The following PRKCQ variants were observed in gnomAD, a reference collection of about 807,000 sequenced individuals.
The protein encoded by PRKCQ is protein kinase C theta.
Under a neutral mutation model 91.2 loss-of-function variants are expected in PRKCQ, and 41 were observed. That is an observed-to-expected ratio of 0.45 (90% confidence interval 0.35 to 0.58). The LOEUF (loss-of-function observed/expected upper bound fraction) is 0.58. Ranked by LOEUF, PRKCQ falls within the 20% of genes least tolerant of loss-of-function variation. The pLI is 0.00. For synonymous variants in PRKCQ, 307 were observed against 316.9 expected (o/e 0.97, Z 0.33); for missense variants, 673 against 896.5 (o/e 0.75, Z 3.18).
the PRKCQ span, among the ~76,000 whole-genome samples, chr10:6,406,159 A>G: frequency 1.3e-5 from 2 of 151,302 alleles, no homozygotes; most frequent in Admixed American, 6.6e-5. Context: ...CATTGTGTGA[A>G]TTTAAAATAT....
At chr10:6,496,472 G>A (rs1837609160) in intron 7 of PRKCQ, among the ~76,000 whole-genome samples, 1 of 152,032 alleles carries the variant, frequency 6.6e-6, no homozygotes, top group Non-Finnish European at 1.5e-5. Context: ...CCATGTTGCT[G>A]TATCTTATCA....
chr10:6,556,727 G>A (rs145562135), intron 1 of PRKCQ, among the ~76,000 whole-genome samples: 2 of 152,188 alleles, frequency 1.3e-5, no homozygotes, highest in East Asian at 3.9e-4. Context: ...ATTTATTGCT[G>A]AATTTGCCAA....
intron 14 of PRKCQ, among the ~76,000 whole-genome samples, 196 bp from the exon 15 acceptor site, chr10:6,457,008 ATTCT>A (rs1319997160): frequency 1.3e-5 from 2 of 152,160 alleles, no homozygotes; most frequent in African/African-American, 4.8e-5. Flanking sequence ...GCTGCTATGG[ATTCT>A]TTCTCTGATT....
At chr10:6,544,464 C>T (rs985186361) in intron 1 of PRKCQ, among the ~76,000 whole-genome samples, 1 of 152,180 alleles carries the variant, frequency 6.6e-6, no homozygotes. Flanking sequence ...CAGTGATTAA[C>T]TCTAATTGAC....
chr10:6,475,365 C>G (rs991971126), intron 12 of PRKCQ, among the ~76,000 whole-genome samples: 4 of 152,180 alleles, frequency 2.6e-5, no homozygotes, highest in East Asian at 3.9e-4. Context: ...ACTTCGGAAT[C>G]CAAGTCCACA....
At chr10:6,516,037 G>A (rs548455591) in intron 1 of PRKCQ, among the ~76,000 whole-genome samples, 3 of 152,130 alleles carry the variant, frequency 2.0e-5, no homozygotes, top group South Asian at 2.1e-4. Context: ...TCCTTGCTCC[G>A]TCTCTCTTTT....
At chr10:6,516,526 G>A (rs1838763489) in intron 1 of PRKCQ, among the ~76,000 whole-genome samples, 1 of 152,204 alleles carries the variant, frequency 6.6e-6, no homozygotes, top group African/African-American at 2.4e-5. Context: ...ACAGCTGTGA[G>A]TTCTCTGGAG....
chr10:6,531,502 T>C (rs1478375617), intron 1 of PRKCQ, among the ~76,000 whole-genome samples: 3 of 150,742 alleles, frequency 2.0e-5, no homozygotes, highest in Non-Finnish European at 4.4e-5. Context: ...AAACCAATAG[T>C]GCGGAGGCTG....
rs1838144409 is a variant in PRKCQ, at chr10:6,505,457, GA to G, written c.379+1978del. On this transcript the variant is annotated intron_variant, in intron 4 of 17. Coordinates refer to ENST00000263125, the MANE Select transcript of PRKCQ (RefSeq NM_006257.5). ...TCTTCCTTCCTTCTTTCTTTCTTTT[GA>G]AGGACCCTTTTTCTCCTTCCTTCCT... Among the ~76,000 whole-genome samples, 5 of 143,100 alleles carry G rather than the reference GA, an allele frequency of 3.5e-5. No homozygotes were observed. In the South Asian group the frequency reaches 1.1e-3, roughly 32 times the overall value. The allele number at this position is 143,100 out of a possible 152,430, so 93.9% of individuals were successfully genotyped here.
intron 1 of PRKCQ, among the ~76,000 whole-genome samples, chr10:6,517,637 A>G (rs1305747705): frequency 1.9e-5 from 2 of 104,912 alleles, no homozygotes; most frequent in Non-Finnish European, 3.5e-5. Context: ...CCTTTCCCAG[A>G]TTTAGGGATA....
chr10:6,545,167 G>A (rs1018286617), intron 1 of PRKCQ, among the ~76,000 whole-genome samples: 3 of 152,126 alleles, frequency 2.0e-5, no homozygotes, highest in Admixed American at 6.5e-5. Context: ...CAGGAACCAC[G>A]GACATGAGAA....
At chr10:6,428,931 G>A (rs1372327466) in intron 17 of PRKCQ, among the ~76,000 whole-genome samples, 1 of 152,140 alleles carries the variant, frequency 6.6e-6, no homozygotes, top group East Asian at 1.9e-4. Flanking sequence ...AGACCACTTG[G>A]TCCATTGGTT....
chr10:6,501,579 T>A (rs932121315), intron 4 of PRKCQ, among the ~76,000 whole-genome samples: 1 of 151,878 alleles, frequency 6.6e-6, no homozygotes, highest in African/African-American at 2.4e-5. Context: ...CCCAGCACTT[T>A]GGGAGGCCGA....
At chr10:6,532,305 CTTCT>C (rs1485210478) in intron 1 of PRKCQ, among the ~76,000 whole-genome samples, 1 of 152,134 alleles carries the variant, frequency 6.6e-6, no homozygotes, top group South Asian at 2.1e-4. Flanking sequence ...AAAAGCTTAG[CTTCT>C]TTAAGAAAAA....
intron 16 of PRKCQ, among the ~76,000 whole-genome samples, chr10:6,434,421 T>C (rs911798573): frequency 6.6e-6 from 1 of 152,220 alleles, no homozygotes; most frequent in Non-Finnish European, 1.5e-5. Flanking sequence ...GAAGAGCATA[T>C]GGTCTCCAGC....
At chr10:6,415,832 G>A in the PRKCQ span, among the ~76,000 whole-genome samples, 8 of 149,504 alleles carry the variant, frequency 5.4e-5, no homozygotes, top group African/African-American at 1.2e-4. Context: ...TGCAACCTCC[G>A]CCTCCTGGGT....
chr10:6,424,386 G>A (rs779456952), downstream of PRKCQ, among the ~76,000 whole-genome samples: 1 of 152,168 alleles, frequency 6.6e-6, no homozygotes. Context: ...TGGTGGGGAA[G>A]GCACGTGGTC....
rs200532272 is a variant in PRKCQ at position 6,505,417 on chromosome 10, TTTCC to T, written c.379+2015_379+2018del. On this transcript the variant is annotated intron_variant, in intron 4 of 17. Coordinates refer to ENST00000263125, the MANE Select transcript of PRKCQ (RefSeq NM_006257.5). ...ACACTTTTTCTCCTTTCTTTCTTTC[TTTCC>T]TTCCTTCCTTTCTTCCTTCCTTCTT... Among the ~76,000 whole-genome samples the T allele has an allele frequency of 3.0e-3, 417 of 138,700 alleles. 3 individuals are homozygous for T. Among genetic ancestry groups the T allele is most frequent in the African/African-American group, 0.011 (370 of 33,104 alleles). The allele number at this position is 138,700 out of a possible 152,430, so 91.0% of individuals were successfully genotyped here.
chr10:6,570,177 G>A lies in PRKCQ; in HGVS notation c.-10+10034C>T, dbSNP rs114721101. 5.5e-3 allele frequency among the ~76,000 whole-genome samples: 833 copies of A among 152,208 alleles called. 13 individuals are homozygous for A. The highest frequency in any genetic ancestry group is 0.017 in the African/African-American group (696 of 41,516). On this transcript the variant is annotated intron_variant, in intron 1 of 17. Coordinates refer to ENST00000263125, the MANE Select transcript of PRKCQ (RefSeq NM_006257.5). ...AGGTAAGAGGCGGGTAGAACTCCAC[G>A]GGAATCGGCCATGAGGAGAGTGCGG... is the stretch of plus-strand genomic sequence containing the variant.
Sources: gnomAD v4.1 joint callset for allele counts (sites outside exome capture counted in the v4.1 genomes callset) on GRCh38, gnomAD v4.1.1 for gene constraint, MANE v1.5 for transcripts, NCBI Gene and HGNC (gene_info 2026-07-23, HGNC 2026-07-21) for gene names.